The following RBMS2 variants were observed in gnomAD, a reference collection of about 807,000 sequenced individuals.
RBMS2 encodes RNA binding motif single stranded interacting protein 2.
RBMS2 carries 38 observed loss-of-function variants against 58.4 expected under a neutral mutation model. The ratio of observed to expected loss-of-function variants is 0.65; its 90% confidence interval spans 0.50 to 0.85. The LOEUF (loss-of-function observed/expected upper bound fraction) is 0.85, where lower values mean the gene tolerates loss of function less well. Ranked by LOEUF, RBMS2 falls within the 40% of genes least tolerant of loss-of-function variation. The probability of loss-of-function intolerance (pLI) is 0.00; values close to 1 mark genes in which losing one functional copy is unlikely to be tolerated. For missense variants in RBMS2, 367 were observed against 503.7 expected (o/e 0.73, Z 2.60); for synonymous variants, 151 against 180.7 (o/e 0.84, Z 1.32).
At position 56,590,086 on chromosome 12, in the gene RBMS2, G is replaced by A. The variant is rs1490567292; in HGVS notation, c.*953G>A. The stretch of plus-strand genomic sequence containing the variant: ...AGGTCTTCCCTGGCAAGTTCCGGAA[G>A]AATGGACTTACTGACTTTTATCAAC... On this transcript the variant is annotated 3_prime_UTR_variant, in exon 14 of 14. Coordinates refer to ENST00000262031, the MANE Select transcript of RBMS2 (RefSeq NM_002898.4). 6.6e-6 allele frequency: 1 copy of A among 152,268 alleles called. No homozygotes were observed. Among genetic ancestry groups the A allele is most frequent in the Non-Finnish European group, 1.5e-5 (1 of 68,076 alleles). 9.4% of individuals were successfully genotyped at this position (152,268 alleles called of 1,614,324 possible). A position where few individuals can be genotyped will look rare whatever the true frequency, so the allele number is the denominator to read the frequency against.
chr12:56,532,258 A>G (rs1217778961), intron 1 of RBMS2, among the ~76,000 whole-genome samples: 1 of 142,822 alleles, frequency 7.0e-6, no homozygotes, highest in Non-Finnish European at 1.5e-5. Flanking sequence ...AGAAAAAAAA[A>G]TTGGCCAGGT....
At chr12:56,536,922 C>CTT (rs975256484) in intron 1 of RBMS2, among the ~76,000 whole-genome samples, 18 of 131,666 alleles carry the variant, frequency 1.4e-4, no homozygotes, top group Non-Finnish European at 1.5e-4. Context: ...CCATCTTGAA[C>CTT]TTTTTTTTTT....
At chr12:56,581,903 A>G (rs779338513) in intron 8 of RBMS2, 24 bp downstream of exon 8, 14 of 1,611,882 alleles carry the variant, frequency 8.7e-6, no homozygotes, top group African/African-American at 1.3e-5. Context: ...TAATCAAGCC[A>G]CCTGAAAATG....
At chr12:56,536,919 G>T (rs893180410) in intron 1 of RBMS2, among the ~76,000 whole-genome samples, 11 of 144,034 alleles carry the variant, frequency 7.6e-5, no homozygotes, top group Non-Finnish European at 1.7e-4. Context: ...TTACCATCTT[G>T]AACTTTTTTT....
chr12:56,549,797 C>T (rs997030288), intron 1 of RBMS2, among the ~76,000 whole-genome samples: 5 of 151,860 alleles, frequency 3.3e-5, no homozygotes, highest in Admixed American at 6.6e-5. Flanking sequence ...GAGGCTGAGG[C>T]GGGCAGATCC....
intron 2 of RBMS2, among the ~76,000 whole-genome samples, chr12:56,563,115 T>C (rs950400823): frequency 2.0e-5 from 3 of 151,928 alleles, no homozygotes; most frequent in Non-Finnish European, 2.9e-5. Context: ...AGAGTGAGAT[T>C]CCATCTCAAA....
At chr12:56,585,297 G>A (rs1008723048) in intron 9 of RBMS2, among the ~76,000 whole-genome samples, 2 of 152,150 alleles carry the variant, frequency 1.3e-5, no homozygotes, top group Admixed American at 6.5e-5. Flanking sequence ...TTGGCCTAGC[G>A]CCAAATTATT....
chr12:56,522,122 C>T, intron 1 of RBMS2, 33 bp downstream of exon 1: 1 of 1,503,180 alleles, frequency 6.7e-7, no homozygotes, highest in Admixed American at 1.8e-5. Context: ...TATCTAGCTA[C>T]TTCTTTTTCT....
intron 2 of RBMS2, among the ~76,000 whole-genome samples, chr12:56,566,322 C>G (rs1343095479): frequency 1.3e-5 from 2 of 152,188 alleles, no homozygotes; most frequent in Non-Finnish European, 2.9e-5. Context: ...CAACTATTTT[C>G]AGTTAGCTCT....
rs945298669 is a variant in RBMS2 at position 56,521,847 on chromosome 12, C to A, written c.-177C>A. ...CCCGAGCTCATTCTCTGCCCGCAGC[C>A]CCCCTTCATCTCTCTCCTCCTGCTC... On this transcript the variant is annotated 5_prime_UTR_variant, in exon 1 of 14. Transcript: ENST00000262031. 5 of 492,056 alleles carry A rather than the reference C, an allele frequency of 1.0e-5. No homozygotes were observed. Among genetic ancestry groups the A allele is most frequent in the Non-Finnish European group, 1.4e-5 (4 of 281,432 alleles). 30.5% of individuals were successfully genotyped at this position (492,056 alleles called of 1,614,324 possible).
chr12:56,573,249 G>C (rs1219491999), intron 5 of RBMS2: 6 of 898,888 alleles, frequency 6.7e-6, no homozygotes, highest in Non-Finnish European at 8.0e-6. Flanking sequence ...GGCTGAGGCG[G>C]GTGGATCACC....
intron 1 of RBMS2, among the ~76,000 whole-genome samples, chr12:56,533,282 T>G (rs892149898): frequency 6.6e-6 from 1 of 151,840 alleles, no homozygotes; most frequent in African/African-American, 2.4e-5. Flanking sequence ...AAAATTTTTT[T>G]GTAGACACAG....
chr12:56,523,440 C>T (rs993174546), intron 1 of RBMS2, among the ~76,000 whole-genome samples: 1 of 152,014 alleles, frequency 6.6e-6, no homozygotes, highest in Non-Finnish European at 1.5e-5. Flanking sequence ...ATATGTATCC[C>T]GTAACATGTT....
At chr12:56,572,272 G>C (rs1420673403) in intron 5 of RBMS2, among the ~76,000 whole-genome samples, 3 of 135,306 alleles carry the variant, frequency 2.2e-5, no homozygotes, top group African/African-American at 8.4e-5. Flanking sequence ...CTGGGGAACA[G>C]AGTGAGACTC....
intron 5 of RBMS2, among the ~76,000 whole-genome samples, chr12:56,572,552 C>T (rs1882483782): frequency 6.6e-6 from 1 of 152,052 alleles, no homozygotes; most frequent in South Asian, 2.1e-4. Context: ...CAGACCCAAC[C>T]AGAGTAAAAA....
At chr12:56,582,236 G>GT (rs1884063979) in intron 9 of RBMS2, 84 bp downstream of exon 9, 2 of 1,222,006 alleles carry the variant, frequency 1.6e-6, no homozygotes, top group Non-Finnish European at 2.3e-6. Context: ...GGAACTACTT[G>GT]TTTTTTGTTT....
intron 1 of RBMS2, among the ~76,000 whole-genome samples, chr12:56,538,752 T>C (rs1268683238): frequency 6.6e-6 from 1 of 152,104 alleles, no homozygotes; most frequent in Non-Finnish European, 1.5e-5. Flanking sequence ...AGTGCTGGGA[T>C]TACAGGCGTG....
intron 1 of RBMS2, among the ~76,000 whole-genome samples, chr12:56,532,224 T>C (rs1873876906): frequency 7.1e-6 from 1 of 140,572 alleles, no homozygotes; most frequent in Admixed American, 7.2e-5. Context: ...TGTCTAAAAA[T>C]TGTGAACCTA....
At chr12:56,537,338 A>T (rs1875097885) in intron 1 of RBMS2, among the ~76,000 whole-genome samples, 1 of 152,168 alleles carries the variant, frequency 6.6e-6, no homozygotes, top group Non-Finnish European at 1.5e-5. Context: ...TACCCATTAA[A>T]CAACTCCACA....
Sources: allele counts gnomAD v4.1 joint callset (sites outside exome capture counted in the v4.1 genomes callset), GRCh38; gene constraint gnomAD v4.1.1; transcripts MANE v1.5; gene names NCBI Gene and HGNC (gene_info 2026-07-23, HGNC 2026-07-21).